The following OXR1 variants were observed in gnomAD, a reference collection of about 807,000 sequenced individuals.
The protein encoded by OXR1 is oxidation resistance 1.
Under a neutral mutation model 104.6 loss-of-function variants are expected in OXR1, and 41 were observed. The ratio of observed to expected loss-of-function variants is 0.39; its 90% confidence interval spans 0.31 to 0.51. The LOEUF is 0.51. Among genes scored for constraint, OXR1 ranks in the 20% least tolerant of loss-of-function variants. OXR1 has a pLI of 0.77. For synonymous variants in OXR1, 348 were observed against 348.4 expected (o/e 1.00, Z 0.01); for missense variants, 955 against 1,031.9 (o/e 0.93, Z 1.02).
chr8:106,521,628 T>G (rs770087542), intron 3 of OXR1, among the ~76,000 whole-genome samples: 2 of 152,168 alleles, frequency 1.3e-5, no homozygotes, highest in Admixed American at 6.5e-5. Flanking sequence ...TTCTCCTGCC[T>G]CAGCCTCCCG....
chr8:106,503,427 A>G (rs1811939514), intron 2 of OXR1, among the ~76,000 whole-genome samples: 1 of 152,198 alleles, frequency 6.6e-6, no homozygotes, highest in African/African-American at 2.4e-5. Flanking sequence ...CCCTTGGCTG[A>G]CCGCCCAATA....
intron 3 of OXR1, among the ~76,000 whole-genome samples, chr8:106,650,831 C>T (rs887792955): frequency 8.5e-5 from 13 of 152,256 alleles, no homozygotes; most frequent in African/African-American, 3.1e-4. Context: ...TTCCTTTCCC[C>T]CTTAAAAATA....
intron 1 of OXR1, among the ~76,000 whole-genome samples, chr8:106,345,740 T>C (rs897487575): frequency 6.6e-6 from 1 of 152,232 alleles, no homozygotes; most frequent in African/African-American, 2.4e-5. Flanking sequence ...CTCTCTATAA[T>C]GCTTGTATTT....
At chr8:106,652,278 C>A (rs780569127) in intron 3 of OXR1, among the ~76,000 whole-genome samples, 2 of 151,838 alleles carry the variant, frequency 1.3e-5, no homozygotes, top group Non-Finnish European at 2.9e-5. Context: ...TTAAGAGAGG[C>A]AGCAAATATG....
intron 2 of OXR1, among the ~76,000 whole-genome samples, chr8:106,388,088 A>G (rs1817450596): frequency 6.6e-6 from 1 of 152,214 alleles, no homozygotes; most frequent in East Asian, 1.9e-4. Context: ...GTGGCTTTCC[A>G]GGCCATAACA....
chr8:106,523,452 A>G (rs1005762976), intron 3 of OXR1, among the ~76,000 whole-genome samples: 8 of 152,144 alleles, frequency 5.3e-5, no homozygotes, highest in African/African-American at 1.2e-4. Flanking sequence ...AAATACCAAT[A>G]TATCTCAGAT....
chr8:106,455,922 C>T (rs1296055411), intron 2 of OXR1, among the ~76,000 whole-genome samples: 2 of 152,132 alleles, frequency 1.3e-5, no homozygotes, highest in African/African-American at 4.8e-5. Context: ...GCTGTTTAGT[C>T]ACATAATTCA....
At chr8:106,381,435 T>C (rs1266044388) in intron 2 of OXR1, among the ~76,000 whole-genome samples, 1 of 151,786 alleles carries the variant, frequency 6.6e-6, no homozygotes, top group East Asian at 1.9e-4. Flanking sequence ...GGAAGGAAAG[T>C]GTGTGGGGAG....
At chr8:106,735,578 G>T (rs549770224) in intron 11 of OXR1, among the ~76,000 whole-genome samples, 1 of 152,012 alleles carries the variant, frequency 6.6e-6, no homozygotes, top group Non-Finnish European at 1.5e-5. Context: ...TTGTTAACTG[G>T]AGGGATAGAA....
chr8:106,426,258 A>G (rs1819114005), intron 2 of OXR1, among the ~76,000 whole-genome samples: 1 of 151,960 alleles, frequency 6.6e-6, no homozygotes, highest in Non-Finnish European at 1.5e-5. Flanking sequence ...GTTTTTTGTT[A>G]TTGTTATTTT....
chr8:106,407,687 G>C (rs1244860971), intron 2 of OXR1, among the ~76,000 whole-genome samples: 3 of 152,156 alleles, frequency 2.0e-5, no homozygotes, highest in African/African-American at 7.2e-5. Flanking sequence ...AACATGTGAT[G>C]GAGGAAGGAG....
At chr8:106,658,172 C>T in intron 3 of OXR1, 1 of 1,242,768 alleles carries the variant, frequency 8.0e-7, no homozygotes. Flanking sequence ...CGCCGTCCAG[C>T]CCGGAGGGAC....
chr8:106,431,290 T>C (rs1315097579), intron 2 of OXR1, among the ~76,000 whole-genome samples: 1 of 152,146 alleles, frequency 6.6e-6, no homozygotes, highest in Non-Finnish European at 1.5e-5. Flanking sequence ...GTGATGATGA[T>C]GATGAAGATA....
chr8:106,639,504 T>A (rs779181596), intron 3 of OXR1, among the ~76,000 whole-genome samples: 2 of 152,120 alleles, frequency 1.3e-5, no homozygotes, highest in Non-Finnish European at 2.9e-5. Context: ...CCCCAAAATA[T>A]CACTGATATT....
intron 3 of OXR1, among the ~76,000 whole-genome samples, chr8:106,568,033 C>T (rs1817208079): frequency 6.6e-6 from 1 of 152,028 alleles, no homozygotes; most frequent in African/African-American, 2.4e-5. Flanking sequence ...TTCCCATCTA[C>T]AAAATGAGGA....
At chr8:106,703,477 C>T (rs1164314049) in intron 8 of OXR1, among the ~76,000 whole-genome samples, 1 of 151,252 alleles carries the variant, frequency 6.6e-6, no homozygotes, top group Non-Finnish European at 1.5e-5. Context: ...TGAGAGAGGC[C>T]ACATGAGCAA....
chr8:106,751,106 C>T lies in OXR1; in HGVS notation c.*165C>T, dbSNP rs1471822761. 1.7e-5 allele frequency: 9 copies of T among 522,920 alleles called. No individual in the cohort carries two copies. The highest frequency in any genetic ancestry group is 4.0e-5 in the Admixed American group (1 of 24,818). 32.4% of individuals were successfully genotyped at this position (522,920 alleles called of 1,614,324 possible). ...TAATTTTGGAGTTTATTTTTCAAAT[C>T]ATGTTCTTGTCCCAGAGTTCTTTAG... On this transcript the variant is annotated 3_prime_UTR_variant, in exon 17 of 17. Coordinates refer to ENST00000517566, the MANE Select transcript of OXR1 (RefSeq NM_001198533.2).
chr8:106,511,476 A>T (rs1016472790), intron 2 of OXR1, among the ~76,000 whole-genome samples: 3 of 152,172 alleles, frequency 2.0e-5, no homozygotes, highest in African/African-American at 7.2e-5. Flanking sequence ...GGAAAGGACT[A>T]CGAGTGTTCG....
intron 3 of OXR1, among the ~76,000 whole-genome samples, chr8:106,657,319 A>T (rs1586981361): frequency 4.6e-4 from 11 of 24,032 alleles, no homozygotes; most frequent in Admixed American, 3.2e-3. Context: ...CCTTAAACAT[A>T]AAAAAAAAAA....
Sources: gnomAD v4.1 joint callset for allele counts (sites outside exome capture counted in the v4.1 genomes callset) on GRCh38, gnomAD v4.1.1 for gene constraint, MANE v1.5 for transcripts, NCBI Gene and HGNC (gene_info 2026-07-23, HGNC 2026-07-21) for gene names.